The following AK3 variants were observed in gnomAD, a reference collection of about 807,000 sequenced individuals.
AK3 encodes adenylate kinase 3, also known as GTP:AMP phosphotransferase AK3, mitochondrial.
Under a neutral mutation model 23.7 loss-of-function variants are expected in AK3, and 27 were observed. The observed-to-expected ratio is 1.14, with a 90% CI of 0.84 to 1.57. AK3 has a LOEUF of 1.57. Among genes scored for constraint, AK3 ranks in the 40% most tolerant of loss-of-function variants. AK3 has a pLI of 0.00. For synonymous variants in AK3, 159 were observed against 116.0 expected (o/e 1.37, Z -2.38); for missense variants, 406 against 285.6 (o/e 1.42, Z -3.04).
At chr9:4,741,943 G>C (rs1051607416), upstream of AK3, 5 of 151,644 alleles carry the variant, frequency 3.3e-5, no homozygotes, top group African/African-American at 1.2e-4. Flanking sequence ...TAGAATCACA[G>C]GGAGTGACCT....
chr9:4,734,537 G>A (rs145214787), intron 1 of AK3, among the ~76,000 whole-genome samples: 1 of 152,194 alleles, frequency 6.6e-6, no homozygotes, highest in Non-Finnish European at 1.5e-5. Flanking sequence ...GAGATGGATA[G>A]ATGGAGAGAC....
chr9:4,741,167 C>A lies in AK3; in HGVS notation c.-80G>T, dbSNP rs1406641061. 2.3e-6 allele frequency: 3 copies of A among 1,312,662 alleles called. No individual in the cohort carries two copies. The highest frequency in any genetic ancestry group is 3.1e-5 in the African/African-American group (2 of 64,306). The allele number at this position is 1,312,662 out of a possible 1,614,324, so 81.3% of individuals were successfully genotyped here. Reference sequence around the variant, plus strand: ...GCGCTCACCCGCTCGGCAGCCTGCGCCGGCCGGCTAGCAGCGCCACTAGCA... The same window carrying A: ...GCGCTCACCCGCTCGGCAGCCTGCGACGGCCGGCTAGCAGCGCCACTAGCA... On this transcript the variant is annotated 5_prime_UTR_variant, in exon 1 of 5. Transcript: ENST00000381809.
intron 2 of AK3, among the ~76,000 whole-genome samples, chr9:4,721,675 T>A (rs1841899256): frequency 6.6e-6 from 1 of 152,126 alleles, no homozygotes; most frequent in South Asian, 2.1e-4. Context: ...GCCAGGCTGG[T>A]CTTGAACTCC....
intron 4 of AK3, 119 bp downstream of exon 4, chr9:4,718,300 T>A: frequency 4.0e-6 from 3 of 749,030 alleles, no homozygotes; most frequent in Non-Finnish European, 7.0e-6. Flanking sequence ...CCTTTATTAC[T>A]TAAGCCCATG....
chr9:4,737,259 T>G (rs899953014), intron 1 of AK3, among the ~76,000 whole-genome samples: 1 of 150,274 alleles, frequency 6.7e-6, no homozygotes, highest in African/African-American at 2.4e-5. Context: ...TTAAAATAAA[T>G]AAAAAGTTTT....
At chr9:4,716,838 G>A (rs1363056013) in intron 4 of AK3, among the ~76,000 whole-genome samples, 5 of 152,168 alleles carry the variant, frequency 3.3e-5, no homozygotes, top group Non-Finnish European at 7.3e-5. Context: ...GGCTGAGACA[G>A]GAGAATTGCT....
rs1194942640 is a variant in AK3 at position 4,711,581 on chromosome 9, G to T, written c.*1395C>A. ...TATTTTAAGTACCTGGGAAAAAAACGGAACAGATTTTTAAAGGCAATAACG... is the reference window on the plus strand; with the variant it reads ...TATTTTAAGTACCTGGGAAAAAAACTGAACAGATTTTTAAAGGCAATAACG... On this transcript the variant is annotated 3_prime_UTR_variant, in exon 5 of 5. Transcript: ENST00000381809. 6.6e-6 allele frequency: 1 copy of T among 152,334 alleles called. No individual in the cohort carries two copies. The highest frequency in any genetic ancestry group is 2.4e-5 in the African/African-American group (1 of 41,416). The allele number at this position is 152,334 out of a possible 1,614,324, so 9.4% of individuals were successfully genotyped here.
intron 1 of AK3, among the ~76,000 whole-genome samples, chr9:4,726,839 T>C (rs1039520589): frequency 2.0e-5 from 3 of 151,842 alleles, no homozygotes; most frequent in African/African-American, 4.8e-5. Context: ...CTGAACCTTA[T>C]GAAATGTGTT....
At chr9:4,718,377 T>C in intron 4 of AK3, 42 bp downstream of exon 4, 10 of 1,428,382 alleles carry the variant, frequency 7.0e-6, no homozygotes, top group Non-Finnish European at 8.9e-6. Flanking sequence ...CTAGACTTAG[T>C]GCACCACTAC....
chr9:4,727,781 C>T (rs770860932), intron 1 of AK3, among the ~76,000 whole-genome samples: 1 of 152,164 alleles, frequency 6.6e-6, no homozygotes, highest in Non-Finnish European at 1.5e-5. Context: ...AGCATGCCTT[C>T]CTCACTAAGC....
At position 4,719,139 on chromosome 9, in the gene AK3, G is replaced by A; in HGVS notation, c.440C>T (p.Thr147Ile). 1 of 1,611,892 alleles carries A rather than the reference G, an allele frequency of 6.2e-7. No homozygotes were observed. Among genetic ancestry groups the A allele is most frequent in the Non-Finnish European group, 8.5e-7 (1 of 1,179,818 alleles). The change falls in exon 3 of 5, where the codon ACT (threonine) becomes ATT (isoleucine). Residue 147 changes from threonine to isoleucine, a missense_variant. Thr to Ile is a moderately conservative substitution (Grantham distance 89). Transcript: ENST00000381809. ...VYNIEFNPPK[T>I]VGIDDLTGEP... ...AGTTCCACAACAACTACTCACCACA[G>A]TTTTGGGAGGGTTGAATTCAATGTT...
At chr9:4,724,230 G>A (rs1841969903) in intron 1 of AK3, among the ~76,000 whole-genome samples, 1 of 151,948 alleles carries the variant, frequency 6.6e-6, no homozygotes. Flanking sequence ...TCTGGGGAGG[G>A]ACAGCTTCAA....
At chr9:4,727,728 C>G (rs1451639304) in intron 1 of AK3, among the ~76,000 whole-genome samples, 1 of 152,310 alleles carries the variant, frequency 6.6e-6, no homozygotes, top group East Asian at 1.9e-4. Flanking sequence ...TACAACTTGG[C>G]TAACTGGTGC....
rs75894792 is a variant in AK3, at chr9:4,722,420, C to T, written c.271+86G>A. ...CCTCTCCCCAAACCACCATCCTTGA[C>T]GTCTGTCTGAAGCCCATGAAATGCT... On this transcript the variant is annotated intron_variant, in intron 2 of 4. Transcript: ENST00000381809. The T allele has an allele frequency of 3.8e-3, 6,023 of 1,583,564 alleles. 215 individuals carry two copies. In the African/African-American group the frequency reaches 0.073, roughly 19 times the overall value.
rs1431654292 is a variant in AK3, at chr9:4,722,563, T to C, written c.214A>G (p.Thr72Ala). ...QGKLIPDDVM[T>A]RLALHELKNL... is the part of the protein sequence containing the mutation. ...TTCAGCTCATGAAGGGCCAGCCGAG[T>C]CATGACATCATCTGGGATGAGTTTC... Residue 72 changes from threonine to alanine, a missense_variant, in exon 2 of 5, where the codon ACT (threonine) becomes GCT (alanine). Coordinates refer to ENST00000381809, the MANE Select transcript of AK3 (RefSeq NM_016282.4). 6.2e-7 allele frequency: 1 copy of C among 1,614,118 alleles called. No individual in the cohort carries two copies. The highest frequency in any genetic ancestry group is 8.5e-7 in the Non-Finnish European group (1 of 1,180,028).
intron 1 of AK3, among the ~76,000 whole-genome samples, chr9:4,739,834 G>C (rs772913592): frequency 4.6e-5 from 7 of 152,010 alleles, no homozygotes; most frequent in Non-Finnish European, 8.8e-5. Context: ...GGGAGGCTGA[G>C]ACAGGAGAAT....
Position 4,714,609 on chromosome 9 carries a change from T to C in AK3, c.564-1513A>G, listed in dbSNP as rs931096527. Among the ~76,000 whole-genome samples the C allele has an allele frequency of 6.6e-5, 10 of 152,318 alleles. No individual in the cohort carries two copies. In the East Asian group the frequency reaches 1.7e-3, roughly 26 times the overall value. On this transcript the variant is annotated intron_variant, in intron 4 of 4. Transcript: ENST00000381809. ...CAAGCCAGTGTCACAAGTGGGTTAA[T>C]TACTGAGGGCACAATTGCAGGCACC...
At chr9:4,737,020 C>G (rs914903880) in intron 1 of AK3, among the ~76,000 whole-genome samples, 2 of 151,978 alleles carry the variant, frequency 1.3e-5, no homozygotes, top group African/African-American at 4.8e-5. Flanking sequence ...GTGCAGCTTT[C>G]TCAGACTAAG....
rs1464217451 is a variant in AK3 at position 4,741,099 on chromosome 9, G to T, written c.-12C>A. On this transcript the variant is annotated 5_prime_UTR_variant, in exon 1 of 5. Coordinates refer to ENST00000381809, the MANE Select transcript of AK3 (RefSeq NM_016282.4). ...GCGGACGCCCCCATGGCCGCAGACT[G>T]AGGCCCGCACCGCGCGGGTACCAGG... 1 of 1,523,036 alleles carries T rather than the reference G, an allele frequency of 6.6e-7. No individual in the cohort carries two copies. The highest frequency in any genetic ancestry group is 1.2e-5 in the South Asian group (1 of 81,128). 94.3% of individuals were successfully genotyped at this position (1,523,036 alleles called of 1,614,324 possible). A position where few individuals can be genotyped will look rare whatever the true frequency, so the allele number is the denominator to read the frequency against.
Sources: gnomAD v4.1 joint callset for allele counts (sites outside exome capture counted in the v4.1 genomes callset) on GRCh38, gnomAD v4.1.1 for gene constraint, MANE v1.5 for transcripts, NCBI Gene and HGNC (gene_info 2026-07-23, HGNC 2026-07-21) for gene names.